The following INSYN2B variants were observed in gnomAD, a reference collection of about 807,000 sequenced individuals.
The protein encoded by INSYN2B is inhibitory synaptic factor family member 2B.
A neutral mutation model predicts 41.2 loss-of-function variants in INSYN2B; 16 were observed. The observed-to-expected ratio is 0.39, with a 90% CI of 0.26 to 0.59. The LOEUF (loss-of-function observed/expected upper bound fraction) is 0.59. Among genes scored for constraint, INSYN2B ranks in the 20% least tolerant of loss-of-function variants. The pLI is 0.57. For missense variants in INSYN2B, 608 were observed against 646.4 expected, an observed-to-expected ratio of 0.94 and a Z score of 0.64; for synonymous variants, 245 against 244.4, an observed-to-expected ratio of 1.00 and a Z score of -0.02.
rs755490473 is a variant in INSYN2B, at chr5:169,864,348, T to C, written c.1533A>G (p.Glu511=). The change falls in exon 4 of 4, where the codon GAA becomes GAG. Residue 511 remains glutamate (E), a synonymous_variant. Transcript: ENST00000377365. ...EASPPPKSPA[E]PPAPEKQDLR... is the part of the protein sequence containing the mutation. Reference sequence around the variant, plus strand: ...AGTCCTGCTTTTCCGGGGCTGGGGGTTCTGCTGGGGACTTTGGTGGGGGCG... The same window carrying C: ...AGTCCTGCTTTTCCGGGGCTGGGGGCTCTGCTGGGGACTTTGGTGGGGGCG... The C allele has an allele frequency of 1.9e-5, 30 of 1,551,408 alleles. No homozygotes were observed. The highest frequency in any genetic ancestry group is 2.5e-5 in the Non-Finnish European group (29 of 1,146,908).
chr5:169,898,343 C>A (rs541495113), intron 1 of INSYN2B, among the ~76,000 whole-genome samples: 11 of 152,332 alleles, frequency 7.2e-5, no homozygotes, highest in African/African-American at 2.2e-4. Context: ...GGGCCCACAG[C>A]AGCCAGGTGT....
intron 1 of INSYN2B, among the ~76,000 whole-genome samples, chr5:169,907,834 G>C (rs879502360): frequency 9.9e-5 from 15 of 152,190 alleles, no homozygotes; most frequent in East Asian, 1.9e-4. Context: ...CTGGGAGGGG[G>C]TGCTACTGGC....
chr5:169,888,667 T>G (rs959588917), intron 1 of INSYN2B, among the ~76,000 whole-genome samples: 4 of 152,230 alleles, frequency 2.6e-5, no homozygotes, highest in African/African-American at 9.6e-5. Context: ...TCTACGTAGA[T>G]GAGACTCTTC....
intron 1 of INSYN2B, among the ~76,000 whole-genome samples, chr5:169,978,113 A>C (rs1229584072): frequency 6.6e-6 from 1 of 151,916 alleles, no homozygotes; most frequent in Non-Finnish European, 1.5e-5. Context: ...GGTCGTGCGC[A>C]TTATTTGAAG....
intron 1 of INSYN2B, among the ~76,000 whole-genome samples, chr5:169,979,651 T>TA (rs1312418367): frequency 6.6e-6 from 1 of 152,172 alleles, no homozygotes; most frequent in East Asian, 1.9e-4. Context: ...TAGTCAGAAG[T>TA]AAAACACTGT....
chr5:169,890,040 A>T (rs770023192), intron 1 of INSYN2B, among the ~76,000 whole-genome samples: 2 of 152,238 alleles, frequency 1.3e-5, no homozygotes, highest in Non-Finnish European at 2.9e-5. Flanking sequence ...GGAGGCTGGG[A>T]AGCATTATCC....
intron 1 of INSYN2B, among the ~76,000 whole-genome samples, chr5:169,942,429 A>G (rs1464432310): frequency 6.6e-6 from 1 of 152,214 alleles, no homozygotes; most frequent in African/African-American, 2.4e-5. Context: ...CTGATTAGCA[A>G]CAGTTCATGC....
At chr5:169,961,662 C>T (rs905389032) in intron 1 of INSYN2B, among the ~76,000 whole-genome samples, 6 of 151,940 alleles carry the variant, frequency 3.9e-5, no homozygotes, top group African/African-American at 9.7e-5. Context: ...CTAAGAAGGA[C>T]AAGTATAAAG....
intron 1 of INSYN2B, among the ~76,000 whole-genome samples, chr5:169,925,784 C>T (rs1416449611): frequency 6.6e-6 from 1 of 151,918 alleles, no homozygotes; most frequent in African/African-American, 2.4e-5. Context: ...GATGCCAGAC[C>T]AATAATGGTG....
In INSYN2B at chr5:169,861,728, A is replaced by G. The variant is rs2291228; in HGVS notation, c.*2545T>C. ...TGGTGTTTTAAACATAGAGACGACCATTTTTGTTCATCAGGAAAATGTTTA... is the reference window on the plus strand; with the variant it reads ...TGGTGTTTTAAACATAGAGACGACCGTTTTTGTTCATCAGGAAAATGTTTA... On this transcript the variant is annotated 3_prime_UTR_variant, in exon 4 of 4. Coordinates refer to ENST00000377365, the MANE Select transcript of INSYN2B (RefSeq NM_001129891.3). 0.36 allele frequency among the ~76,000 whole-genome samples: 54,607 copies of G among 151,920 alleles called. 10,821 individuals are homozygous for G. Among genetic ancestry groups the G allele is most frequent in the Admixed American group, 0.44 (6,773 of 15,256 alleles).
intron 1 of INSYN2B, among the ~76,000 whole-genome samples, chr5:169,891,576 G>A (rs1208633658): frequency 1.3e-5 from 2 of 151,958 alleles, no homozygotes; most frequent in African/African-American, 2.4e-5. Context: ...AAATGTAGGG[G>A]ACTCAGTCCT....
intron 3 of INSYN2B, among the ~76,000 whole-genome samples, chr5:169,876,969 C>T (rs1193520629): frequency 6.6e-6 from 1 of 152,162 alleles, no homozygotes; most frequent in African/African-American, 2.4e-5. Flanking sequence ...AGGAAAGAAA[C>T]TTATAAACAC....
intron 3 of INSYN2B, among the ~76,000 whole-genome samples, chr5:169,880,405 A>G (rs547628538): frequency 7.2e-5 from 11 of 152,344 alleles, no homozygotes; most frequent in African/African-American, 1.4e-4. Context: ...AGGCAACCCA[A>G]TTAGGCTCCA....
At chr5:169,945,130 C>G (rs1490772780) in intron 1 of INSYN2B, among the ~76,000 whole-genome samples, 1 of 152,114 alleles carries the variant, frequency 6.6e-6, no homozygotes, top group Non-Finnish European at 1.5e-5. Context: ...TTCTCTTGGC[C>G]CCAGAAGAAT....
intron 1 of INSYN2B, among the ~76,000 whole-genome samples, chr5:169,936,394 G>A (rs1775997158): frequency 6.6e-6 from 1 of 152,046 alleles, no homozygotes; most frequent in Non-Finnish European, 1.5e-5. Flanking sequence ...TTTTAGGAGA[G>A]GAAACTGAGG....
At chr5:169,955,273 G>T (rs1371746216) in intron 1 of INSYN2B, among the ~76,000 whole-genome samples, 1 of 152,184 alleles carries the variant, frequency 6.6e-6, no homozygotes, top group African/African-American at 2.4e-5. Flanking sequence ...AGGGCATCTG[G>T]ACAGTGCCAG....
intron 1 of INSYN2B, among the ~76,000 whole-genome samples, chr5:169,962,954 T>C (rs1268764981): frequency 1.3e-5 from 2 of 151,954 alleles, no homozygotes; most frequent in Non-Finnish European, 1.5e-5. Flanking sequence ...GGATGGGAAG[T>C]GGAAGGGTAA....
chr5:169,925,883 G>A (rs1031614601), intron 1 of INSYN2B, among the ~76,000 whole-genome samples: 3 of 152,164 alleles, frequency 2.0e-5, no homozygotes, highest in African/African-American at 7.2e-5. Flanking sequence ...GATGTTCCCT[G>A]GCAGCTGGGC....
intron 1 of INSYN2B, among the ~76,000 whole-genome samples, chr5:169,908,662 T>C (rs1774422108): frequency 6.6e-6 from 1 of 152,184 alleles, no homozygotes; most frequent in African/African-American, 2.4e-5. Context: ...ACTATGTTTG[T>C]AGTTGTTCTT....
Sources: gnomAD v4.1 joint callset for allele counts (sites outside exome capture counted in the v4.1 genomes callset) on GRCh38, gnomAD v4.1.1 for gene constraint, MANE v1.5 for transcripts, NCBI Gene and HGNC (gene_info 2026-07-23, HGNC 2026-07-21) for gene names.